The following C8B variants were observed in gnomAD, a reference collection of about 807,000 sequenced individuals.
C8B encodes the protein complement C8 beta chain.
In C8B, 67 loss-of-function variants were observed where a neutral mutation model predicts 64.6. That is an observed-to-expected ratio of 1.04 (90% CI 0.85 to 1.27). The LOEUF is 1.27. C8B is among the 50% of genes most tolerant of loss of function. The pLI, the probability that C8B is intolerant of heterozygous loss-of-function variation, is 0.00. For missense variants in C8B, 790 were observed against 725.2 expected (o/e 1.09, Z -1.03); for synonymous variants, 284 against 257.7 (o/e 1.10, Z -0.98).
At chr1:56,932,478 C>T (rs1644715856) in intron 10 of C8B, among the ~76,000 whole-genome samples, 1 of 152,162 alleles carries the variant, frequency 6.6e-6, no homozygotes, top group Non-Finnish European at 1.5e-5. Context: ...GTCCAAGTTT[C>T]TAGGTCCAAA....
intron 9 of C8B, among the ~76,000 whole-genome samples, chr1:56,934,022 T>G (rs1419893629): frequency 6.6e-6 from 1 of 152,132 alleles, no homozygotes; most frequent in African/African-American, 2.4e-5. Flanking sequence ...TCAGGAACCT[T>G]CCAGAGCTGC....
chr1:56,954,812 C>A lies in C8B; in HGVS notation c.407G>T (p.Arg136Leu). The A allele has an allele frequency of 1.9e-6, 3 of 1,614,166 alleles. No individual in the cohort carries two copies. The highest frequency in any genetic ancestry group is 1.7e-6 in the Non-Finnish European group (2 of 1,179,988). ...ATTGTCCCCATTGCAAAGAAGTCTG[C>A]GGTTTACACACCTTCCTAGAATGGA... is the stretch of plus-strand genomic sequence containing the variant. ...VCAQTGRCVNRRLLCNGDNDC... is the reference protein window; with the variant it reads ...VCAQTGRCVNLRLLCNGDNDC... The change falls in exon 4 of 12, where the codon CGC becomes CTC. Residue 136 changes from arginine (R) to leucine (L), a missense_variant. Physicochemically the swap from Arg to Leu is moderately radical, Grantham distance 102 (BLOSUM62 -2). Transcript: ENST00000371237.
At position 56,933,433 on chromosome 1, in the gene C8B, A is replaced by G. The variant is rs1645149430; in HGVS notation, c.1454T>C (p.Val485Ala). ...CAGTGCCTGCTTCATGTTCTGCCTC[A>G]CTGTGCTGGAATAGGCAAAATCTGT... is the stretch of plus-strand genomic sequence containing the variant. ...TATDFAYSST[V>A]RQNMKQALEE... The change falls in exon 10 of 12, where the codon GTG (valine) becomes GCG (alanine). Residue 485 changes from valine (V) to alanine (A), a missense_variant. Transcript: ENST00000371237. 2 of 1,613,762 alleles carry G rather than the reference A, an allele frequency of 1.2e-6. No homozygotes were observed. Among genetic ancestry groups the G allele is most frequent in the Admixed American group, 1.7e-5 (1 of 60,008 alleles).
At chr1:56,931,687 G>A (rs1018670211) in intron 11 of C8B, 123 bp downstream of exon 11, 89 of 691,028 alleles carry the variant, frequency 1.3e-4, no homozygotes, top group Admixed American at 4.5e-4. Flanking sequence ...TCCAAGCTGA[G>A]TTTAAGCAGG....
At chr1:56,961,076 T>C (rs1645172657) in intron 1 of C8B, among the ~76,000 whole-genome samples, 1 of 152,186 alleles carries the variant, frequency 6.6e-6, no homozygotes, top group African/African-American at 2.4e-5. Flanking sequence ...GATAAGGCAA[T>C]GCTTTTGGTT....
At chr1:56,939,628 TGACGTG>T (rs2101380353) in intron 9 of C8B, among the ~76,000 whole-genome samples, 1 of 152,350 alleles carries the variant, frequency 6.6e-6, no homozygotes, top group South Asian at 2.1e-4. Context: ...CTACCATTGC[TGACGTG>T]TATGACAGTC....
intron 3 of C8B, among the ~76,000 whole-genome samples, chr1:56,956,495 A>G (rs1006698910): frequency 6.6e-5 from 10 of 152,256 alleles, no homozygotes; most frequent in Admixed American, 2.0e-4. Flanking sequence ...AATTTCCAAT[A>G]GAAACTTTTC....
intron 10 of C8B, 38 bp from the exon 11 acceptor site, chr1:56,931,916 G>T (rs997748388): frequency 6.6e-7 from 1 of 1,505,084 alleles, no homozygotes; most frequent in Non-Finnish European, 9.2e-7. Flanking sequence ...AATCATGCCA[G>T]GTGGAGCAAA....
intron 7 of C8B, among the ~76,000 whole-genome samples, chr1:56,944,865 T>A (rs1457122462): frequency 1.3e-5 from 2 of 152,208 alleles, no homozygotes; most frequent in African/African-American, 4.8e-5. Flanking sequence ...CTGCAATCTG[T>A]GTGACCTACA....
intron 4 of C8B, among the ~76,000 whole-genome samples, chr1:56,953,553 C>A (rs649069): frequency 0.67 from 102,257 of 152,086 alleles, 34,686 homozygotes; most frequent in South Asian, 0.76. Context: ...ACTTTGAAAT[C>A]TGACAGTGGA....
At chr1:56,960,683 G>T (rs1044057670) in intron 1 of C8B, among the ~76,000 whole-genome samples, 4 of 152,238 alleles carry the variant, frequency 2.6e-5, no homozygotes, top group African/African-American at 9.6e-5. Context: ...AGAGGATGGG[G>T]AGAACCAGCA....
chr1:56,938,908 T>C (rs1449176600), intron 9 of C8B, among the ~76,000 whole-genome samples: 3 of 151,644 alleles, frequency 2.0e-5, no homozygotes, highest in Non-Finnish European at 4.4e-5. Context: ...AAAATGCATG[T>C]GAGAGTGGGA....
chr1:56,932,519 C>G (rs931433859), intron 10 of C8B, among the ~76,000 whole-genome samples: 1 of 152,168 alleles, frequency 6.6e-6, no homozygotes, highest in Admixed American at 6.5e-5. Context: ...AGTTCAGCAA[C>G]CCTAGATTAA....
chr1:56,966,002 G>T lies in C8B; in HGVS notation c.-54C>A. The stretch of plus-strand genomic sequence containing the variant: ...AGGCTGCTAGACCCATAACAAGCCT[G>T]TGCTGTGAGTGCCACTGTCAGCTTC... On this transcript the variant is annotated 5_prime_UTR_variant, in exon 1 of 12. Coordinates refer to ENST00000371237, the MANE Select transcript of C8B (RefSeq NM_000066.4). 2.5e-6 allele frequency: 4 copies of T among 1,611,990 alleles called. No homozygotes were observed. In the South Asian group the frequency reaches 4.4e-5, roughly 18 times the overall value.
At chr1:56,959,160 C>A (rs533368162) in intron 2 of C8B, among the ~76,000 whole-genome samples, 5 of 152,290 alleles carry the variant, frequency 3.3e-5, no homozygotes, top group Admixed American at 3.3e-4. Flanking sequence ...GTCTGTTTAA[C>A]AGAAAGTGTA....
At chr1:56,956,667 C>G in intron 3 of C8B, 102 bp downstream of exon 3, 2 of 1,323,436 alleles carry the variant, frequency 1.5e-6, no homozygotes, top group Non-Finnish European at 2.2e-6. Flanking sequence ...TGAGCTGCCC[C>G]ATGACCCTGA....
intron 9 of C8B, 119 bp from the exon 10 acceptor site, chr1:56,933,607 TG>T (rs1317674086): frequency 1.5e-5 from 12 of 807,824 alleles, no homozygotes; most frequent in Non-Finnish European, 2.5e-5. Context: ...TGGGTTCCTA[TG>T]AAACTAGATG....
At position 56,931,827 on chromosome 1, in the gene C8B, T is replaced by C. The variant is rs756429931; in HGVS notation, c.1604A>G (p.Glu535Gly). 2.5e-6 allele frequency: 4 copies of C among 1,611,370 alleles called. No individual in the cohort carries two copies. The highest frequency in any genetic ancestry group is 3.4e-6 in the Non-Finnish European group (4 of 1,178,270). ...TAACTTACTCTTCCGATAGGAGACC[T>C]CACAGGCTAGGCCTTGGGATCCAAC... ...CPVGSQGLAC[E>G]VSYRKNTPID... is the part of the protein sequence containing the mutation. Residue 535 changes from glutamate (E) to glycine (G), a missense_variant, in exon 11 of 12, where the codon GAG (glutamate) becomes GGG (glycine). Transcript: ENST00000371237.
rs113638501 is a variant in C8B, at chr1:56,929,320, T to G, written c.*84A>C. The G allele has an allele frequency of 3.8e-3, 5,495 of 1,453,134 alleles. 19 individuals carry two copies. The highest frequency in any genetic ancestry group is 5.1e-3 in the Admixed American group (303 of 59,744). The allele number at this position is 1,453,134 out of a possible 1,614,324, so 90.0% of individuals were successfully genotyped here. A position where few individuals can be genotyped will look rare whatever the true frequency, so the allele number is the denominator to read the frequency against. On this transcript the variant is annotated 3_prime_UTR_variant, in exon 12 of 12. Transcript: ENST00000371237. ...CTTTTGCCCTTGCATGAACTCCAGG[T>G]GGAAACTGGTGTAGGGCTGAGCTGG... is the stretch of plus-strand genomic sequence containing the variant.
Sources: gnomAD v4.1 joint callset for allele counts (sites outside exome capture counted in the v4.1 genomes callset) on GRCh38, gnomAD v4.1.1 for gene constraint, MANE v1.5 for transcripts, NCBI Gene and HGNC (gene_info 2026-07-23, HGNC 2026-07-21) for gene names.